Variants in RIN3 observed in about 807,000 individuals in gnomAD.
The protein encoded by RIN3 is Ras and Rab interactor 3, also known as RAB5 interacting protein 3.
In RIN3, 54 loss-of-function variants were observed where a neutral mutation model predicts 76.3. The observed-to-expected ratio is 0.71, with a 90% confidence interval of 0.57 to 0.89. The LOEUF is 0.89. Among genes scored for constraint, RIN3 ranks in the 40% least tolerant of loss-of-function variants. The pLI is 0.00. For synonymous variants in RIN3, 576 were observed against 564.0 expected (o/e 1.02, Z -0.30); for missense variants, 1,256 against 1,322.1 (o/e 0.95, Z 0.78).
chr14:92,558,732 C>T lies in RIN3; in HGVS notation c.249+2777C>T, dbSNP rs530926982. On this transcript the variant is annotated intron_variant, in intron 2 of 9. Transcript: ENST00000216487. ...CCTCCTGGGGAACTCTGGGAGCCAG[C>T]GTGGAACACACATCTCGTGGTTATC... 1.2e-4 allele frequency among the ~76,000 whole-genome samples: 18 copies of T among 152,288 alleles called. No homozygotes were observed. In the East Asian group the frequency reaches 2.5e-3, roughly 21 times the overall value.
chr14:92,609,865 GTGTGTGTGTGTGTGTGTGTGTA>G lies in RIN3; in HGVS notation c.368-5538_368-5517del, dbSNP rs1461463965. 5.9e-4 allele frequency among the ~76,000 whole-genome samples: 70 copies of G among 119,180 alleles called. 1 individual carries two copies. The highest frequency in any genetic ancestry group is 1.4e-3 in the Admixed American group (14 of 9,916). The allele number at this position is 119,180 out of a possible 152,430, so 78.2% of individuals were successfully genotyped here. A position where few individuals can be genotyped will look rare whatever the true frequency, so the allele number is the denominator to read the frequency against. ...AGTCTGTGTGTGTGTGTGTGTGTGT[GTGTGTGTGTGTGTGTGTGTGTA>G]TGTATGTGTGTTTCTGGTTTTAATA... On this transcript the variant is annotated intron_variant, in intron 3 of 9. Coordinates refer to ENST00000216487, the MANE Select transcript of RIN3 (RefSeq NM_024832.5).
At chr14:92,659,808 T>C (rs1887813049) in intron 7 of RIN3, among the ~76,000 whole-genome samples, 1 of 152,192 alleles carries the variant, frequency 6.6e-6, no homozygotes, top group South Asian at 2.1e-4. Flanking sequence ...CAGAAACATA[T>C]TGTCTCACAG....
rs1183804788 is a variant in RIN3 at position 92,681,990 on chromosome 14, G to GA, written c.2468-2996dup. ...CAACCTCTGCCTCTCAGGTTCAAGCGATTCTCCTGTCTCAGCCTCCAGAGT... is the reference window on the plus strand; with the variant it reads ...CAACCTCTGCCTCTCAGGTTCAAGCGAATTCTCCTGTCTCAGCCTCCAGAGT... On this transcript the variant is annotated intron_variant, in intron 8 of 9. Transcript: ENST00000216487. The surrounding 1 kb of genome is among the most constrained non-coding windows in gnomAD (Gnocchi z 4.7). Among the ~76,000 whole-genome samples, 2 of 152,080 alleles carry GA rather than the reference G, an allele frequency of 1.3e-5. No homozygotes were observed. The highest frequency in any genetic ancestry group is 4.8e-5 in the African/African-American group (2 of 41,372).
intron 1 of RIN3, among the ~76,000 whole-genome samples, chr14:92,536,769 GC>G (rs1407865000): frequency 6.7e-6 from 1 of 148,680 alleles, no homozygotes; most frequent in African/African-American, 2.5e-5. Flanking sequence ...AAAAGAAACT[GC>G]CGGGGTTCAT....
Position 92,664,364 on chromosome 14 carries a change from C to CTTTTTT in RIN3, c.2335+4911_2335+4916dup, listed in dbSNP as rs373597134. The stretch of plus-strand genomic sequence containing the variant: ...GCTTCATCATTTTCTTTCTTTCTTT[C>CTTTTTT]TTTTTTTTTTTTTTTTTTTTTGAGA... On this transcript the variant is annotated intron_variant, in intron 7 of 9. Coordinates refer to ENST00000216487, the MANE Select transcript of RIN3 (RefSeq NM_024832.5). Among the ~76,000 whole-genome samples, 126 of 84,430 alleles carry CTTTTTT rather than the reference C, an allele frequency of 1.5e-3. 1 individual carries two copies. The highest frequency in any genetic ancestry group is 1.9e-3 in the Non-Finnish European group (82 of 43,076). The allele number at this position is 84,430 out of a possible 152,430, so 55.4% of individuals were successfully genotyped here.
rs936748428 is a variant in RIN3 at position 92,656,275 on chromosome 14, C to T, written c.2027-2886C>T. ...TGGACAAAGGCCGAGAGGTGGGGAACGAGGCTGGAGGATCACGGGCCATTC... is the reference window on the plus strand; with the variant it reads ...TGGACAAAGGCCGAGAGGTGGGGAATGAGGCTGGAGGATCACGGGCCATTC... On this transcript the variant is annotated intron_variant, in intron 6 of 9. Coordinates refer to ENST00000216487, the MANE Select transcript of RIN3 (RefSeq NM_024832.5). This position sits in a 1 kb window ranked among gnomAD's most constrained non-coding sequence, Gnocchi z 5.2. 2.0e-5 allele frequency among the ~76,000 whole-genome samples: 3 copies of T among 152,102 alleles called. No homozygotes were observed. Among genetic ancestry groups the T allele is most frequent in the Admixed American group, 6.5e-5 (1 of 15,268 alleles).
chr14:92,561,223 A>G (rs180970867), intron 2 of RIN3, among the ~76,000 whole-genome samples: 139 of 149,190 alleles, frequency 9.3e-4, no homozygotes, highest in Admixed American at 1.9e-3. Context: ...AGGTCTTCAG[A>G]GACCACCTGG....
Position 92,648,090 on chromosome 14 carries a change from CTTT to C in RIN3, c.533-3478_533-3476del, listed in dbSNP as rs35034984. 5.8e-5 allele frequency among the ~76,000 whole-genome samples: 8 copies of C among 138,818 alleles called. No individual in the cohort carries two copies. Among genetic ancestry groups the C allele is most frequent in the Non-Finnish European group, 9.2e-5 (6 of 64,916 alleles). 91.1% of individuals were successfully genotyped at this position (138,818 alleles called of 152,430 possible). On this transcript the variant is annotated intron_variant, in intron 5 of 9. Transcript: ENST00000216487. This position sits in a 1 kb window ranked among gnomAD's most constrained non-coding sequence, Gnocchi z 4.1. ...GCTGCAGAGAAAGTTACTCATTTCC[CTTT>C]TTTTTTTTTTTTTGGAGCATAAAGC...
rs570243985 is a variant in RIN3, at chr14:92,573,645, C to T, written c.250-3715C>T. ...CATTATGAATAATAAAAGACACTCT[C>T]ATCTCTCAGGAAATTCCATGGGTTT... On this transcript the variant is annotated intron_variant, in intron 2 of 9. Coordinates refer to ENST00000216487, the MANE Select transcript of RIN3 (RefSeq NM_024832.5). Among the ~76,000 whole-genome samples, 57 of 152,336 alleles carry T rather than the reference C, an allele frequency of 3.7e-4. No homozygotes were observed. In the South Asian group the frequency reaches 6.0e-3, roughly 16 times the overall value.
At chr14:92,624,101 C>A (rs528413499) in intron 4 of RIN3, among the ~76,000 whole-genome samples, 1 of 152,232 alleles carries the variant, frequency 6.6e-6, no homozygotes, top group Non-Finnish European at 1.5e-5. Flanking sequence ...GTTTAGACTG[C>A]GAACGGAATA....
At chr14:92,584,667 A>G (rs951597269) in intron 3 of RIN3, among the ~76,000 whole-genome samples, 1 of 152,156 alleles carries the variant, frequency 6.6e-6, no homozygotes, top group Admixed American at 6.5e-5. Context: ...GTATGGGATG[A>G]AGGGCCGAGA....
In RIN3 at chr14:92,605,358, A is replaced by G. The variant is rs559446603; in HGVS notation, c.368-10049A>G. Among the ~76,000 whole-genome samples the G allele has an allele frequency of 6.6e-5, 10 of 152,348 alleles. 1 individual carries two copies. Among genetic ancestry groups the G allele is most frequent in the African/African-American group, 2.4e-4 (10 of 41,582 alleles). ...ACTGGAAATTTTATTAACAACGACTATTGTCGATCAAAATGTGTTAGAAGT... is the reference window on the plus strand; with the variant it reads ...ACTGGAAATTTTATTAACAACGACTGTTGTCGATCAAAATGTGTTAGAAGT... On this transcript the variant is annotated intron_variant, in intron 3 of 9. Coordinates refer to ENST00000216487, the MANE Select transcript of RIN3 (RefSeq NM_024832.5).
At chr14:92,684,922 C>G (rs1888793913) in intron 8 of RIN3, 65 bp from the exon 9 acceptor site, 1 of 1,550,178 alleles carries the variant, frequency 6.5e-7, no homozygotes, top group African/African-American at 1.4e-5. Flanking sequence ...TGGGGCAGGC[C>G]AAGCTCCTTG....
At chr14:92,532,266 A>G (rs1896900556) in intron 1 of RIN3, among the ~76,000 whole-genome samples, 2 of 151,936 alleles carry the variant, frequency 1.3e-5, no homozygotes, top group Non-Finnish European at 2.9e-5. Context: ...AGGGAGGGAG[A>G]CTTGCTTAAG....
chr14:92,581,547 G>A (rs1162301648), intron 3 of RIN3, among the ~76,000 whole-genome samples: 1 of 152,132 alleles, frequency 6.6e-6, no homozygotes, highest in African/African-American at 2.4e-5. Flanking sequence ...GGCACATCAG[G>A]CTGGACCAGC....
intron 1 of RIN3, among the ~76,000 whole-genome samples, chr14:92,548,383 C>A (rs1897336222): frequency 1.3e-5 from 2 of 152,164 alleles, no homozygotes; most frequent in Admixed American, 1.3e-4. Context: ...GTGTCTTCAC[C>A]TTTACATGAG....
At chr14:92,605,277 G>GA (rs1480484804) in intron 3 of RIN3, among the ~76,000 whole-genome samples, 1 of 152,172 alleles carries the variant, frequency 6.6e-6, no homozygotes, top group Admixed American at 6.5e-5. Context: ...AATACATAAT[G>GA]AAAAATGCCC....
chr14:92,668,426 T>G (rs1280881298), intron 7 of RIN3, among the ~76,000 whole-genome samples: 1 of 152,206 alleles, frequency 6.6e-6, no homozygotes, highest in Admixed American at 6.5e-5. Context: ...CCTGTGTAGC[T>G]GACTGGCTTG....
Position 92,681,863 on chromosome 14 carries a change from T to C in RIN3, c.2468-3124T>C, listed in dbSNP as rs774945879. ...TCTGTGGTAGCTTTAATTTAGTTTT[T>C]TCAAAAAATGTCTCTTATTTATTTT... is the stretch of plus-strand genomic sequence containing the variant. On this transcript the variant is annotated intron_variant, in intron 8 of 9. Transcript: ENST00000216487. This position sits in a 1 kb window ranked among gnomAD's most constrained non-coding sequence, Gnocchi z 4.7. 3.7e-4 allele frequency among the ~76,000 whole-genome samples: 56 copies of C among 152,072 alleles called. No individual in the cohort carries two copies. The highest frequency in any genetic ancestry group is 4.1e-4 in the South Asian group (2 of 4,830).
Sources: allele counts gnomAD v4.1 joint callset (sites outside exome capture counted in the v4.1 genomes callset), GRCh38; gene constraint gnomAD v4.1.1; non-coding constraint Gnocchi (gnomAD v3.1); transcripts MANE v1.5; gene names NCBI Gene and HGNC (gene_info 2026-07-23, HGNC 2026-07-21).